TRAF3IP3: variants seen among roughly 807,000 people sequenced by gnomAD.
TRAF3IP3 encodes the protein TRAF3-interacting JNK-activating modulator.
Under a neutral mutation model 86.5 loss-of-function variants are expected in TRAF3IP3, and 64 were observed. That is an observed-to-expected ratio of 0.74 (90% CI 0.60 to 0.91). TRAF3IP3 has a LOEUF of 0.91. Among genes scored for constraint, TRAF3IP3 ranks in the 40% least tolerant of loss-of-function variants. The probability of loss-of-function intolerance (pLI) is 0.00; values close to 1 mark genes in which losing one functional copy is unlikely to be tolerated. For missense variants in TRAF3IP3, 579 were observed against 642.9 expected, an observed-to-expected ratio of 0.90 and a Z score of 1.07; for synonymous variants, 220 against 243.9, an observed-to-expected ratio of 0.90 and a Z score of 0.91.
At chr1:209,776,063 A>C (rs935489549) in intron 11 of TRAF3IP3, 1 of 214,184 alleles carries the variant, frequency 4.7e-6, no homozygotes, top group Non-Finnish European at 9.2e-6. Flanking sequence ...CATCCCAAAA[A>C]AGCATCCAGT....
intron 14 of TRAF3IP3, chr1:209,779,638 A>C (rs2077735268): frequency 6.6e-6 from 4 of 607,026 alleles, no homozygotes; most frequent in South Asian, 6.0e-5. Context: ...CATTTCAATA[A>C]ATTTATTTTG....
chr1:209,781,243 T>G (rs1571970960), intron 15 of TRAF3IP3, 102 bp from the exon 16 acceptor site: 1 of 708,826 alleles, frequency 1.4e-6, no homozygotes, highest in Non-Finnish European at 2.5e-6. Context: ...AAGATGGTGG[T>G]AAAAATTCCA....
chr1:209,770,802 G>GGT (rs575035607), intron 8 of TRAF3IP3, among the ~76,000 whole-genome samples: 71 of 126,492 alleles, frequency 5.6e-4, no homozygotes, highest in East Asian at 3.5e-3. Context: ...TGCATATGGA[G>GGT]GTGTGTGTGT....
intron 8 of TRAF3IP3, among the ~76,000 whole-genome samples, chr1:209,769,073 T>A (rs2077412958): frequency 6.6e-6 from 1 of 152,210 alleles, no homozygotes. Context: ...AAAGCCATAC[T>A]ATGGAATGGG....
chr1:209,757,390 T>C lies in TRAF3IP3; in HGVS notation c.-160+1081T>C, dbSNP rs919121868. Among the ~76,000 whole-genome samples, 4 of 152,312 alleles carry C rather than the reference T, an allele frequency of 2.6e-5. No homozygotes were observed. In the East Asian group the frequency reaches 7.7e-4, roughly 29 times the overall value. ...AGGATTCTCAATGTTCTGCCTCCAC[T>C]ACAAAACCTGTGGGGAAGCTGAGCC... On this transcript the variant is annotated intron_variant, in intron 1 of 16. Transcript: ENST00000367025.
At chr1:209,763,030 G>A in intron 5 of TRAF3IP3, 38 bp from the exon 6 acceptor site, 1 of 1,611,554 alleles carries the variant, frequency 6.2e-7, no homozygotes, top group Non-Finnish European at 8.5e-7. Context: ...TTGATTCTTT[G>A]GTCCATTATC....
intron 8 of TRAF3IP3, among the ~76,000 whole-genome samples, chr1:209,765,249 G>GGAAGGAAGGAAC (rs2077332879): frequency 7.7e-6 from 1 of 129,998 alleles, no homozygotes; most frequent in Non-Finnish European, 1.7e-5. Flanking sequence ...AAGGAAGGAA[G>GGAAGGAAGGAAC]GAAGGAAGGA....
chr1:209,777,936 G>C, intron 12 of TRAF3IP3, 175 bp from the exon 13 acceptor site: 1 of 616,400 alleles, frequency 1.6e-6, no homozygotes, highest in African/African-American at 1.9e-5. Flanking sequence ...AAAAACCTGA[G>C]GTACTTGGCT....
At chr1:209,756,384 C>T (rs1304271687) in intron 1 of TRAF3IP3, 75 bp downstream of exon 1, 1 of 152,256 alleles carries the variant, frequency 6.6e-6, no homozygotes, top group East Asian at 1.9e-4. Context: ...AGATGCTCTA[C>T]CATCCCAGCT....
chr1:209,768,943 G>C (rs977610068), intron 8 of TRAF3IP3, among the ~76,000 whole-genome samples: 6 of 152,224 alleles, frequency 3.9e-5, no homozygotes, highest in African/African-American at 1.4e-4. Context: ...CCAGACTTGG[G>C]TGGCCCTTCA....
chr1:209,757,008 T>C (rs574212963), intron 1 of TRAF3IP3, among the ~76,000 whole-genome samples: 1 of 152,332 alleles, frequency 6.6e-6, no homozygotes, highest in African/African-American at 2.4e-5. Context: ...AGTTCCCTTT[T>C]CTTTAGCAGC....
intron 8 of TRAF3IP3, among the ~76,000 whole-genome samples, chr1:209,765,187 G>GAGAGAGAGAGAGAGAC (rs1050464098): frequency 1.3e-4 from 4 of 31,212 alleles, no homozygotes; most frequent in Admixed American, 1.0e-3. Flanking sequence ...AGGAGAGAGA[G>GAGAGAGAGAGAGAGAC]AGAGAGAGAG....
intron 1 of TRAF3IP3, among the ~76,000 whole-genome samples, chr1:209,757,883 G>T (rs1050372605): frequency 2.0e-5 from 3 of 152,210 alleles, no homozygotes; most frequent in African/African-American, 7.2e-5. Flanking sequence ...TACAAGGCAG[G>T]TCCTAGCCCC....
At chr1:209,765,227 G>GAGAGAGAGAGAGAGAGGAAGGA in intron 8 of TRAF3IP3, among the ~76,000 whole-genome samples, 1 of 58,300 alleles carries the variant, frequency 1.7e-5, no homozygotes, top group East Asian at 4.7e-4. Flanking sequence ...GAGAGAGAGA[G>GAGAGAGAGAGAGAGAGGAAGGA]AGGAAGGAAG....
At position 209,762,551 on chromosome 1, in the gene TRAF3IP3, C is replaced by T. The variant is rs752274820; in HGVS notation, c.382C>T (p.His128Tyr). 7 of 1,482,952 alleles carry T rather than the reference C, an allele frequency of 4.7e-6. No homozygotes were observed. The highest frequency in any genetic ancestry group is 5.4e-6 in the Non-Finnish European group (6 of 1,117,112). 91.9% of individuals were successfully genotyped at this position (1,482,952 alleles called of 1,614,324 possible). A position where few individuals can be genotyped will look rare whatever the true frequency, so the allele number is the denominator to read the frequency against. Reference sequence around the variant, plus strand: ...CAGCTCTGAAGTCTTTCCAGCCCAGCATCCTCCTCCCTCAGGCATCTGCAG... The same window carrying T: ...CAGCTCTGAAGTCTTTCCAGCCCAGTATCCTCCTCCCTCAGGCATCTGCAG... ...GTSSEVFPAQHPPPSGICRDL... is the reference protein window; with the variant it reads ...GTSSEVFPAQYPPPSGICRDL... The change falls in exon 4 of 17, where the codon CAT (histidine) becomes TAT (tyrosine). Residue 128 changes from histidine (H) to tyrosine (Y), a missense_variant. His to Tyr is a moderately conservative substitution (Grantham distance 83). Coordinates refer to ENST00000367025, the MANE Select transcript of TRAF3IP3 (RefSeq NM_025228.4).
chr1:209,772,462 AATGTTGAGGAG>A (rs2077565998), intron 8 of TRAF3IP3, among the ~76,000 whole-genome samples: 1 of 152,164 alleles, frequency 6.6e-6, no homozygotes, highest in Non-Finnish European at 1.5e-5. Flanking sequence ...TCAACATAGA[AATGTTGAGGAG>A]ATATAAATGA....
Position 209,762,531 on chromosome 1 carries a change from C to T in TRAF3IP3, c.362C>T (p.Ser121Phe). Residue 121 changes from serine to phenylalanine, a missense_variant, in exon 4 of 17, where the codon TCT (serine) becomes TTT (phenylalanine). Coordinates refer to ENST00000367025, the MANE Select transcript of TRAF3IP3 (RefSeq NM_025228.4). ...SPREQVTGTS[S>F]EVFPAQHPPP... The stretch of plus-strand genomic sequence containing the variant: ...GCCTTCCAGGTGACAGGCACCAGCT[C>T]TGAAGTCTTTCCAGCCCAGCATCCT... 6.8e-7 allele frequency: 1 copy of T among 1,471,778 alleles called. No homozygotes were observed. 91.2% of individuals were successfully genotyped at this position (1,471,778 alleles called of 1,614,324 possible).
chr1:209,762,956 G>GA, intron 5 of TRAF3IP3, 86 bp downstream of exon 5: 4 of 1,603,318 alleles, frequency 2.5e-6, no homozygotes, highest in Non-Finnish European at 3.4e-6. Flanking sequence ...CCTTAATTAA[G>GA]AAAGAGGAAG....
chr1:209,772,241 C>A (rs2077560038), intron 8 of TRAF3IP3, among the ~76,000 whole-genome samples: 1 of 152,148 alleles, frequency 6.6e-6, no homozygotes, highest in Non-Finnish European at 1.5e-5. Flanking sequence ...GAGTTCGTTT[C>A]TCCTGCGGTC....
Sources: allele counts gnomAD v4.1 joint callset (sites outside exome capture counted in the v4.1 genomes callset), GRCh38; gene constraint gnomAD v4.1.1; transcripts MANE v1.5; gene names NCBI Gene and HGNC (gene_info 2026-07-23, HGNC 2026-07-21).